PLD1: variants seen among roughly 807,000 people sequenced by gnomAD.
PLD1 encodes the protein choline phosphatase 1.
Under a neutral mutation model 137.1 loss-of-function variants are expected in PLD1, and 112 were observed. The ratio of observed to expected loss-of-function variants is 0.82; its 90% CI spans 0.70 to 0.96. The LOEUF is 0.96. Among genes scored for constraint, PLD1 ranks in the 40% least tolerant of loss-of-function variants. PLD1 has a pLI of 0.00. For synonymous variants in PLD1, 431 were observed against 454.7 expected, an observed-to-expected ratio of 0.95 and a Z score of 0.66; for missense variants, 1,321 against 1,342.0, an observed-to-expected ratio of 0.98 and a Z score of 0.24.
chr3:171,768,757 C>T (rs929913629), intron 1 of PLD1, among the ~76,000 whole-genome samples: 11 of 152,242 alleles, frequency 7.2e-5, no homozygotes, highest in African/African-American at 1.9e-4. Flanking sequence ...ATTGGCATCA[C>T]GCCCTTCTGG....
chr3:171,691,304 C>T (rs1715126733), intron 13 of PLD1, among the ~76,000 whole-genome samples: 1 of 152,098 alleles, frequency 6.6e-6, no homozygotes, highest in South Asian at 2.1e-4. Flanking sequence ...AATACATTTA[C>T]ATTTAAAGTA....
At position 171,612,844 on chromosome 3, in the gene PLD1, A is replaced by C. The variant is rs1201861544; in HGVS notation, c.2729-412T>G. Among the ~76,000 whole-genome samples, 1 of 152,152 alleles carries C rather than the reference A, an allele frequency of 6.6e-6. No homozygotes were observed. Among genetic ancestry groups the C allele is most frequent in the Admixed American group, 6.5e-5 (1 of 15,276 alleles). On this transcript the variant is annotated intron_variant, in intron 24 of 26. Transcript: ENST00000351298. This position sits in a 1 kb window ranked among gnomAD's most constrained non-coding sequence, Gnocchi z 4.1. ...TGCAGCCATTTCACAACCACTAGAG[A>C]ACAAACAAAAAAGCTTAAAGAAAAT...
At chr3:171,708,649 G>A in intron 11 of PLD1, 106 bp downstream of exon 11, 2 of 656,568 alleles carry the variant, frequency 3.0e-6, no homozygotes, top group South Asian at 4.2e-5. Flanking sequence ...ACCATCCACA[G>A]ATACAGCTGA....
intron 25 of PLD1, among the ~76,000 whole-genome samples, chr3:171,607,079 T>C (rs1190478043): frequency 6.6e-6 from 1 of 152,168 alleles, no homozygotes. Context: ...TGTATAAAAA[T>C]TTTTTTAAAA....
chr3:171,610,349 A>G (rs1451687474), intron 25 of PLD1, among the ~76,000 whole-genome samples: 1 of 152,222 alleles, frequency 6.6e-6, no homozygotes, highest in African/African-American at 2.4e-5. Flanking sequence ...AAAAACATGT[A>G]GGCCTGCAAA....
intron 21 of PLD1, among the ~76,000 whole-genome samples, chr3:171,658,161 G>C (rs1292125421): frequency 1.3e-5 from 2 of 152,020 alleles, no homozygotes; most frequent in African/African-American, 2.4e-5. Context: ...TAATCAAAGA[G>C]AGAGATAATA....
At position 171,650,767 on chromosome 3, in the gene PLD1, G is replaced by A. The variant is rs151038476; in HGVS notation, c.2430-5744C>T. On this transcript the variant is annotated intron_variant, in intron 21 of 26. Transcript: ENST00000351298. ...GTGTGTATTAGCCAGGCGTGGTGGC[G>A]GGCGCCTGTAGTCCCAGCTACTCGG... Among the ~76,000 whole-genome samples, 888 of 152,070 alleles carry A rather than the reference G, an allele frequency of 5.8e-3. 5 individuals are homozygous for A. The highest frequency in any genetic ancestry group is 0.021 in the African/African-American group (853 of 41,476).
At chr3:171,619,936 G>T (rs360406) in intron 24 of PLD1, among the ~76,000 whole-genome samples, 1 of 152,134 alleles carries the variant, frequency 6.6e-6, no homozygotes, top group East Asian at 1.9e-4. Context: ...AAAAAAAAGG[G>T]AGTAATAAAG....
At chr3:171,676,267 C>T (rs969576687) in intron 18 of PLD1, among the ~76,000 whole-genome samples, 8 of 152,126 alleles carry the variant, frequency 5.3e-5, no homozygotes, top group African/African-American at 1.9e-4. Flanking sequence ...TTGGTTTGCT[C>T]AGAACCAGCT....
At chr3:171,699,654 T>C in intron 12 of PLD1, 91 bp downstream of exon 12, 1 of 880,706 alleles carries the variant, frequency 1.1e-6, no homozygotes. Flanking sequence ...AAGTGAAAAG[T>C]TATACGTGTG....
In PLD1 at chr3:171,682,719, C is replaced by T. The variant is rs138319470; in HGVS notation, c.1867+3966G>A. Among the ~76,000 whole-genome samples, 31 of 152,136 alleles carry T rather than the reference C, an allele frequency of 2.0e-4. No individual in the cohort carries two copies. The East Asian group carries it at 5.4e-3, about 27-fold the overall frequency. ...GGAACTCCAATAATTAAAACAGATA[C>T]AAGTGGGATTGTTCTGGTTGAAGAG... On this transcript the variant is annotated intron_variant, in intron 16 of 26. Transcript: ENST00000351298.
chr3:171,718,714 TCA>T, intron 8 of PLD1, among the ~76,000 whole-genome samples: 1 of 152,270 alleles, frequency 6.6e-6, no homozygotes, highest in African/African-American at 2.4e-5. Flanking sequence ...CACCTGCCAC[TCA>T]CTGCTTGTAA....
chr3:171,605,555 T>C (rs1456283988), intron 25 of PLD1, 139 bp from the exon 26 acceptor site: 5 of 634,984 alleles, frequency 7.9e-6, no homozygotes, highest in Non-Finnish European at 1.4e-5. Context: ...GCTACTCTCA[T>C]ATCCTCAGAG....
intron 1 of PLD1, among the ~76,000 whole-genome samples, chr3:171,740,539 GA>G (rs1450418740): frequency 6.6e-6 from 1 of 152,074 alleles, no homozygotes; most frequent in Non-Finnish European, 1.5e-5. Context: ...ACATAGTGAA[GA>G]AAAACAAAGG....
chr3:171,609,777 T>C lies in PLD1; in HGVS notation c.2882+2502A>G, dbSNP rs145097370. ...GGGTGGGTAGAGGTGGAGTGAAGGA[T>C]GAGAAATCACCTAATGGGTACAATG... On this transcript the variant is annotated intron_variant, in intron 25 of 26. Transcript: ENST00000351298. Among the ~76,000 whole-genome samples the C allele has an allele frequency of 1.3e-3, 196 of 152,142 alleles. 2 individuals carry two copies. The highest frequency in any genetic ancestry group is 8.9e-3 in the Admixed American group (136 of 15,274).
At chr3:171,769,801 A>G (rs1271199306) in intron 1 of PLD1, among the ~76,000 whole-genome samples, 1 of 152,208 alleles carries the variant, frequency 6.6e-6, no homozygotes, top group Non-Finnish European at 1.5e-5. Flanking sequence ...TAAGCAGAGA[A>G]GAACATGAAA....
chr3:171,664,772 T>A (rs550202646), intron 19 of PLD1, among the ~76,000 whole-genome samples: 2 of 152,266 alleles, frequency 1.3e-5, no homozygotes, highest in East Asian at 3.9e-4. Context: ...ATCTCCATGA[T>A]GTTTAAATGA....
chr3:171,713,371 G>A (rs1448636108), intron 9 of PLD1, among the ~76,000 whole-genome samples: 6 of 152,320 alleles, frequency 3.9e-5, no homozygotes, highest in African/African-American at 1.4e-4. Flanking sequence ...TGAAGTGGGA[G>A]AATCGCTTGA....
At chr3:171,696,751 G>A (rs1229246695) in intron 12 of PLD1, among the ~76,000 whole-genome samples, 1 of 152,110 alleles carries the variant, frequency 6.6e-6, no homozygotes, top group Non-Finnish European at 1.5e-5. Flanking sequence ...TAATAATATG[G>A]TGGAATGAGA....
Sources: allele counts gnomAD v4.1 joint callset (sites outside exome capture counted in the v4.1 genomes callset), GRCh38; gene constraint gnomAD v4.1.1; non-coding constraint Gnocchi (gnomAD v3.1); transcripts MANE v1.5; gene names NCBI Gene and HGNC (gene_info 2026-07-23, HGNC 2026-07-21).